The following CCDC171 variants were observed in gnomAD, a reference collection of about 807,000 sequenced individuals.
The protein encoded by CCDC171 is coiled-coil domain-containing protein 171.
In CCDC171, 177 loss-of-function variants were observed where a neutral mutation model predicts 168.2. The ratio of observed to expected loss-of-function variants is 1.05; its 90% CI spans 0.93 to 1.19. The LOEUF (loss-of-function observed/expected upper bound fraction) is 1.19. Among genes scored for constraint, CCDC171 ranks in the 50% most tolerant of loss-of-function variants. The pLI, the probability that CCDC171 is intolerant of heterozygous loss-of-function variation, is 0.00. For synonymous variants in CCDC171, 687 were observed against 540.8 expected (o/e 1.27, Z -3.75); for missense variants, 1,991 against 1,539.0 (o/e 1.29, Z -4.91).
At chr9:15,556,830 A>G (rs1339695786) in intron 1 of CCDC171, among the ~76,000 whole-genome samples, 2 of 151,956 alleles carry the variant, frequency 1.3e-5, no homozygotes. Context: ...CTATGTCCTG[A>G]ATGGTATTGC....
chr9:15,622,653 T>C (rs2044597112), intron 6 of CCDC171, among the ~76,000 whole-genome samples: 1 of 152,216 alleles, frequency 6.6e-6, no homozygotes, highest in Non-Finnish European at 1.5e-5. Context: ...TCAATAAAAT[T>C]CAACTCCCAT....
intron 25 of CCDC171, among the ~76,000 whole-genome samples, chr9:15,959,286 G>C (rs1290776179): frequency 6.6e-6 from 1 of 152,068 alleles, no homozygotes; most frequent in South Asian, 2.1e-4. Context: ...TAAAGTAACA[G>C]GTCTTACCAT....
At chr9:15,759,609 T>C (rs367632763) in intron 18 of CCDC171, among the ~76,000 whole-genome samples, 1 of 152,328 alleles carries the variant, frequency 6.6e-6, no homozygotes, top group East Asian at 1.9e-4. Flanking sequence ...TTGGCCTTCT[T>C]GAAGATTGCA....
At chr9:15,566,458 C>A (rs1444071901) in intron 2 of CCDC171, among the ~76,000 whole-genome samples, 1 of 152,144 alleles carries the variant, frequency 6.6e-6, no homozygotes, top group East Asian at 1.9e-4. Flanking sequence ...ACTCCAGAGG[C>A]TGAGGCATGA....
At chr9:15,999,955 A>T (rs1336160336) in intron 3 of CCDC171, among the ~76,000 whole-genome samples, 1 of 152,192 alleles carries the variant, frequency 6.6e-6, no homozygotes, top group African/African-American at 2.4e-5. Context: ...CCAACTAGCC[A>T]TCCTATGAGA....
intron 10 of CCDC171, among the ~76,000 whole-genome samples, chr9:15,686,691 G>C (rs1339815419): frequency 6.6e-6 from 1 of 151,806 alleles, no homozygotes; most frequent in Non-Finnish European, 1.5e-5. Context: ...TTGTTAAAAG[G>C]GTCAATCCAC....
intron 22 of CCDC171, 135 bp downstream of exon 22, chr9:15,846,982 G>T: frequency 1.5e-6 from 1 of 673,362 alleles, no homozygotes; most frequent in Non-Finnish European, 2.4e-6. Flanking sequence ...GAAATTCTCT[G>T]ATATATCCTC....
the CCDC171 span, among the ~76,000 whole-genome samples, chr9:16,074,069 C>T: frequency 6.6e-6 from 1 of 152,092 alleles, no homozygotes; most frequent in African/African-American, 2.4e-5. Flanking sequence ...TATCACTGGG[C>T]TGGAGGAGAG....
chr9:15,979,686 G>C (rs1831733101), intron 3 of CCDC171, among the ~76,000 whole-genome samples: 1 of 151,556 alleles, frequency 6.6e-6, no homozygotes, highest in South Asian at 2.1e-4. Context: ...CATGTTTCTG[G>C]ATTCAGTTTC....
intron 24 of CCDC171, among the ~76,000 whole-genome samples, chr9:15,912,074 A>G (rs1823742095): frequency 6.6e-6 from 1 of 152,200 alleles, no homozygotes; most frequent in African/African-American, 2.4e-5. Context: ...GTGTTTTTCT[A>G]ACTCTGTGAA....
intron 21 of CCDC171, among the ~76,000 whole-genome samples, chr9:15,799,541 C>G (rs1486423726): frequency 1.3e-5 from 2 of 151,834 alleles, no homozygotes; most frequent in East Asian, 3.9e-4. Context: ...TATTTTTATA[C>G]AGACATTCAA....
At chr9:16,018,155 A>G (rs1374678169) in intron 3 of CCDC171, among the ~76,000 whole-genome samples, 1 of 152,142 alleles carries the variant, frequency 6.6e-6, no homozygotes, top group Non-Finnish European at 1.5e-5. Flanking sequence ...TCCCATATCC[A>G]CCCATGTGTT....
intron 21 of CCDC171, among the ~76,000 whole-genome samples, chr9:15,823,750 T>C (rs1305279920): frequency 6.6e-6 from 1 of 152,110 alleles, no homozygotes; most frequent in Non-Finnish European, 1.5e-5. Flanking sequence ...TTTTAATTTG[T>C]CATAGCAGGA....
intron 21 of CCDC171, among the ~76,000 whole-genome samples, chr9:15,830,366 C>T (rs992473436): frequency 6.6e-6 from 1 of 152,250 alleles, no homozygotes; most frequent in African/African-American, 2.4e-5. Context: ...TAATTCATAT[C>T]TTATTCCAGT....
At chr9:15,801,562 C>T (rs961186026) in intron 21 of CCDC171, among the ~76,000 whole-genome samples, 1 of 151,982 alleles carries the variant, frequency 6.6e-6, no homozygotes, top group Admixed American at 6.6e-5. Context: ...CATCTGCAAA[C>T]AAAGATAATT....
At chr9:15,678,498 A>G (rs114491491) in intron 9 of CCDC171, among the ~76,000 whole-genome samples, 299 of 152,304 alleles carry the variant, frequency 2.0e-3, no homozygotes, top group African/African-American at 6.9e-3. Flanking sequence ...GGTGAATCCA[A>G]ATCAACAGTA....
At chr9:15,633,784 A>G (rs1384160310) in intron 7 of CCDC171, among the ~76,000 whole-genome samples, 1 of 152,234 alleles carries the variant, frequency 6.6e-6, no homozygotes. Flanking sequence ...CAAATGTCCA[A>G]CAATGATAGA....
chr9:15,722,396 A>G (rs1423028419), intron 12 of CCDC171, among the ~76,000 whole-genome samples: 1 of 152,190 alleles, frequency 6.6e-6, no homozygotes, highest in African/African-American at 2.4e-5. Context: ...GGGAGCTTTT[A>G]GTTTGCTGAT....
Position 15,815,479 on chromosome 9 carries a change from A to T in CCDC171, c.3267+30785A>T, listed in dbSNP as rs1402193362. 3.7e-5 allele frequency among the ~76,000 whole-genome samples: 4 copies of T among 108,770 alleles called. 1 individual carries two copies. The highest frequency in any genetic ancestry group is 3.5e-4 in the Admixed American group (4 of 11,280). 71.4% of individuals were successfully genotyped at this position (108,770 alleles called of 152,430 possible). On this transcript the variant is annotated intron_variant, in intron 21 of 25. Coordinates refer to ENST00000380701, the MANE Select transcript of CCDC171 (RefSeq NM_173550.4). The stretch of plus-strand genomic sequence containing the variant: ...AAAAATTTCAAATGGAGTAATCATT[A>T]TACTAATTCTGGCAGAGGGTAACAT...
Sources: allele counts gnomAD v4.1 joint callset (sites outside exome capture counted in the v4.1 genomes callset), GRCh38; gene constraint gnomAD v4.1.1; transcripts MANE v1.5; gene names NCBI Gene and HGNC (gene_info 2026-07-23, HGNC 2026-07-21).